The following GLT8D1 variants were observed in gnomAD, a reference collection of about 807,000 sequenced individuals.
GLT8D1 encodes glycosyltransferase 8 domain-containing protein 1.
GLT8D1 carries 41 observed loss-of-function variants against 46.2 expected under a neutral mutation model. The observed-to-expected ratio is 0.89, with a 90% CI of 0.69 to 1.15. The LOEUF (loss-of-function observed/expected upper bound fraction) is 1.15. GLT8D1 is among the 50% of genes most tolerant of loss of function. GLT8D1 has a pLI of 0.00. For synonymous variants in GLT8D1, 150 were observed against 154.2 expected (o/e 0.97, Z 0.20); for missense variants, 408 against 449.3 (o/e 0.91, Z 0.83).
intron 3 of GLT8D1, among the ~76,000 whole-genome samples, chr3:52,698,285 A>G (rs1395280270): frequency 6.6e-6 from 1 of 152,228 alleles, no homozygotes; most frequent in Non-Finnish European, 1.5e-5. Context: ...TTAGCAGCAA[A>G]CTAAATCAAT....
At chr3:52,695,082 T>G (rs377117753) in intron 9 of GLT8D1, 47 bp from the exon 10 acceptor site, 2 of 1,507,678 alleles carry the variant, frequency 1.3e-6, no homozygotes, top group Non-Finnish European at 1.8e-6. Flanking sequence ...CATGTGAAAT[T>G]GTGCAGAAAA....
Position 52,697,798 on chromosome 3 carries a change from TA to T in GLT8D1, c.251del (p.Ile84LysfsTer12). On this transcript the variant is annotated frameshift_variant, in exon 4 of 10. Coordinates refer to ENST00000266014, the MANE Select transcript of GLT8D1 (RefSeq NM_018446.4). LOFTEE classifies it high-confidence loss of function. ...EDRLGGAIAAINSIQHNTRSN... is the reference protein window; with the variant it reads ...EDRLGGAIAAXNSIQHNTRSN... ...AGCGAGTGTTGTGCTGAATGCTGTT[TA>T]TAGCTGCAATGGCCCCCCCAAGCCT... 1 of 1,613,974 alleles carries T rather than the reference TA, an allele frequency of 6.2e-7. No homozygotes were observed.
chr3:52,695,323 AT>A, intron 8 of GLT8D1, 21 bp from the exon 9 acceptor site: 1 of 1,597,386 alleles, frequency 6.3e-7, no homozygotes, highest in Non-Finnish European at 8.6e-7. Context: ...CAGAAAACAA[AT>A]GTTTGTTAGT....
intron 1 of GLT8D1, among the ~76,000 whole-genome samples, chr3:52,701,747 G>T (rs956964525): frequency 9.9e-5 from 15 of 152,200 alleles, no homozygotes; most frequent in African/African-American, 3.4e-4. Context: ...GTGTCTAATT[G>T]TCACAATGTC....
At chr3:52,697,225 GT>G (rs1391680039) in intron 4 of GLT8D1, among the ~76,000 whole-genome samples, 2 of 152,172 alleles carry the variant, frequency 1.3e-5, no homozygotes, top group Non-Finnish European at 2.9e-5. Context: ...TTTGGAGTAA[GT>G]TTTATAAGTC....
In GLT8D1 at chr3:52,694,620, G is replaced by A. The variant is rs2097330922; in HGVS notation, c.*225C>T. 1.6e-6 allele frequency: 1 copy of A among 608,008 alleles called. No homozygotes were observed. The highest frequency in any genetic ancestry group is 2.9e-6 in the Non-Finnish European group (1 of 341,458). 37.7% of individuals were successfully genotyped at this position (608,008 alleles called of 1,614,324 possible). ...TTCTTCTTTCCAGTCATTCAGCATT[G>A]TAGTAAGAAAACACTTGGTAAGGCA... On this transcript the variant is annotated 3_prime_UTR_variant, in exon 10 of 10. Coordinates refer to ENST00000266014, the MANE Select transcript of GLT8D1 (RefSeq NM_018446.4).
At chr3:52,695,740 C>CA in intron 7 of GLT8D1, 153 bp from the exon 8 acceptor site, 1 of 636,554 alleles carries the variant, frequency 1.6e-6, no homozygotes, top group South Asian at 2.0e-5. Flanking sequence ...TAGATGTTGA[C>CA]ATAATAAACC....
intron 1 of GLT8D1, 67 bp from the exon 2 acceptor site, chr3:52,700,563 A>C (rs1578592550): frequency 2.6e-5 from 17 of 645,056 alleles, no homozygotes; most frequent in Admixed American, 1.1e-4. Flanking sequence ...ATGCCCTAAC[A>C]CTTTTTTTTT....
rs1578583324 is a variant in GLT8D1 at position 52,694,704 on chromosome 3, G to A, written c.*141C>T. On this transcript the variant is annotated 3_prime_UTR_variant, in exon 10 of 10. Transcript: ENST00000266014. The stretch of plus-strand genomic sequence containing the variant: ...GGGAAGCTGACTGCCAGACAGGGCA[G>A]TTTGTCATCTTTACCTAGCTGACAC... The A allele has an allele frequency of 1.6e-5, 11 of 697,582 alleles. 1 individual carries two copies. The East Asian group carries it at 3.0e-4, about 19-fold the overall frequency. 43.2% of individuals were successfully genotyped at this position (697,582 alleles called of 1,614,324 possible).
Position 52,694,707 on chromosome 3 carries a change from T to A in GLT8D1, c.*138A>T. The A allele has an allele frequency of 1.4e-6, 1 of 702,158 alleles. No homozygotes were observed. Among genetic ancestry groups the A allele is most frequent in the East Asian group, 2.7e-5 (1 of 37,302 alleles). The allele number at this position is 702,158 out of a possible 1,614,324, so 43.5% of individuals were successfully genotyped here. On this transcript the variant is annotated 3_prime_UTR_variant, in exon 10 of 10. Coordinates refer to ENST00000266014, the MANE Select transcript of GLT8D1 (RefSeq NM_018446.4). ...AAGCTGACTGCCAGACAGGGCAGTT[T>A]GTCATCTTTACCTAGCTGACACATC...
In GLT8D1 at chr3:52,705,764, C is replaced by G. The variant is rs1056178670; in HGVS notation, c.-354G>C. ...CCCAGCCAGCCCGCAGCGGTAACCG[C>G]TAGAGCGTCGCGCCAAGCAGGCGCC... On this transcript the variant is annotated 5_prime_UTR_variant, in exon 1 of 10. Coordinates refer to ENST00000266014, the MANE Select transcript of GLT8D1 (RefSeq NM_018446.4). 3.4e-5 allele frequency: 39 copies of G among 1,134,536 alleles called. No individual in the cohort carries two copies. Among genetic ancestry groups the G allele is most frequent in the Non-Finnish European group, 4.0e-5 (35 of 883,128 alleles). The allele number at this position is 1,134,536 out of a possible 1,614,324, so 70.3% of individuals were successfully genotyped here.
In GLT8D1 at chr3:52,695,315, G is replaced by C. The variant is rs1249730360; in HGVS notation, c.813-13C>G. On this transcript the variant is annotated splice_polypyrimidine_tract_variant and intron_variant, in intron 8 of 9. Coordinates refer to ENST00000266014, the MANE Select transcript of GLT8D1 (RefSeq NM_018446.4). ...ATACAGTCCCTCTCTTGGTGGGACA[G>C]AAAACAAATGTTTGTTAGTGAAAAG... is the stretch of plus-strand genomic sequence containing the variant. 6.3e-7 allele frequency: 1 copy of C among 1,598,486 alleles called. No individual in the cohort carries two copies. Among genetic ancestry groups the C allele is most frequent in the Non-Finnish European group, 8.6e-7 (1 of 1,168,090 alleles).
chr3:52,694,670 A>AGTCT lies in GLT8D1; in HGVS notation c.*171_*174dup. 3 of 657,276 alleles carry AGTCT rather than the reference A, an allele frequency of 4.6e-6. No individual in the cohort carries two copies. Among genetic ancestry groups the AGTCT allele is most frequent in the Admixed American group, 4.4e-5 (2 of 45,924 alleles). 40.7% of individuals were successfully genotyped at this position (657,276 alleles called of 1,614,324 possible). ...AGATGGAGACATATTTATAGTCTAT[A>AGTCT]GTCTGTCTGGGAAGCTGACTGCCAG... is the stretch of plus-strand genomic sequence containing the variant. On this transcript the variant is annotated 3_prime_UTR_variant, in exon 10 of 10. Coordinates refer to ENST00000266014, the MANE Select transcript of GLT8D1 (RefSeq NM_018446.4).
chr3:52,700,517 C>T (rs1260220563), intron 1 of GLT8D1, 21 bp from the exon 2 acceptor site: 2 of 1,265,378 alleles, frequency 1.6e-6, no homozygotes, highest in Admixed American at 1.9e-5. Context: ...AAAACAAGCC[C>T]CCAAAGTCAG....
At chr3:52,703,046 G>C (rs2097340715) in intron 1 of GLT8D1, 1 of 150,764 alleles carries the variant, frequency 6.6e-6, no homozygotes, top group African/African-American at 2.4e-5. Context: ...CCAAAGTGCT[G>C]GGATTACAGG....
At chr3:52,703,442 A>G (rs917164268) in intron 1 of GLT8D1, 10 of 151,216 alleles carry the variant, frequency 6.6e-5, no homozygotes, top group African/African-American at 2.4e-4. Context: ...AAAAAAAAAA[A>G]GAGAAGTATA....
At chr3:52,702,906 C>A (rs1392975964) in intron 1 of GLT8D1, among the ~76,000 whole-genome samples, 1 of 151,264 alleles carries the variant, frequency 6.6e-6, no homozygotes, top group Non-Finnish European at 1.5e-5. Context: ...TGTGCCTCAA[C>A]CTCCCGAGTA....
At chr3:52,700,564 C>CG in intron 1 of GLT8D1, 68 bp from the exon 2 acceptor site, 1 of 535,688 alleles carries the variant, frequency 1.9e-6, no homozygotes, top group Non-Finnish European at 3.3e-6. Flanking sequence ...TGCCCTAACA[C>CG]TTTTTTTTTT....
At chr3:52,704,491 CAG>C (rs1184615842) in intron 1 of GLT8D1, among the ~76,000 whole-genome samples, 1 of 145,706 alleles carries the variant, frequency 6.9e-6, no homozygotes, top group Non-Finnish European at 1.5e-5. Context: ...AAAGACCACA[CAG>C]AGATATATCT....
Sources: gnomAD v4.1 joint callset for allele counts (sites outside exome capture counted in the v4.1 genomes callset) on GRCh38, gnomAD v4.1.1 for gene constraint, MANE v1.5 for transcripts, NCBI Gene and HGNC (gene_info 2026-07-23, HGNC 2026-07-21) for gene names.